The following NTM variants were observed in gnomAD, a reference collection of about 807,000 sequenced individuals.
NTM encodes IgLON family member 2.
Under a neutral mutation model 42.1 loss-of-function variants are expected in NTM, and 13 were observed. The ratio of observed to expected loss-of-function variants is 0.31; its 90% CI spans 0.20 to 0.49. NTM has a LOEUF of 0.49. Among genes scored for constraint, NTM ranks in the 20% least tolerant of loss-of-function variants. The pLI is 0.99. For synonymous variants in NTM, 187 were observed against 179.2 expected (o/e 1.04, Z -0.35); for missense variants, 373 against 452.8 (o/e 0.82, Z 1.60).
chr11:131,607,444 TG>T (rs1383614524), intron 1 of NTM, among the ~76,000 whole-genome samples: 1 of 152,242 alleles, frequency 6.6e-6, no homozygotes, highest in African/African-American at 2.4e-5. Context: ...ATTAAAATTT[TG>T]CATGAACAAG....
chr11:131,852,088 A>C (rs928958663), intron 1 of NTM, among the ~76,000 whole-genome samples: 6 of 152,142 alleles, frequency 3.9e-5, no homozygotes, highest in African/African-American at 7.2e-5. Flanking sequence ...AGAGACTGAC[A>C]GAGCGGGAGT....
At chr11:132,207,250 C>T (rs1259319841) in intron 3 of NTM, among the ~76,000 whole-genome samples, 3 of 152,190 alleles carry the variant, frequency 2.0e-5, no homozygotes, top group African/African-American at 2.4e-5. Context: ...CTGGCAATAC[C>T]GCCTGAGCTC....
chr11:131,627,208 A>G (rs1365275777), intron 1 of NTM, among the ~76,000 whole-genome samples: 2 of 150,510 alleles, frequency 1.3e-5, no homozygotes, highest in African/African-American at 2.4e-5. Flanking sequence ...TGAATAAAGC[A>G]GGCGGCTTTT....
intron 1 of NTM, among the ~76,000 whole-genome samples, chr11:131,435,821 A>C (rs1225864036): frequency 6.6e-6 from 1 of 152,178 alleles, no homozygotes; most frequent in African/African-American, 2.4e-5. Flanking sequence ...TTCCAGCACT[A>C]TGTTGAATAG....
intron 1 of NTM, among the ~76,000 whole-genome samples, chr11:131,719,598 T>C (rs1047579893): frequency 5.3e-5 from 8 of 152,172 alleles, no homozygotes; most frequent in Admixed American, 5.2e-4. Context: ...TGGATGGTCC[T>C]CTGGGTGTTG....
At chr11:131,408,776 C>A (rs779928279) in intron 1 of NTM, among the ~76,000 whole-genome samples, 1 of 152,224 alleles carries the variant, frequency 6.6e-6, no homozygotes, top group Non-Finnish European at 1.5e-5. Flanking sequence ...TCCTGCCCTG[C>A]AGACATCACA....
intron 1 of NTM, among the ~76,000 whole-genome samples, chr11:131,861,409 C>T (rs1334104578): frequency 1.2e-4 from 19 of 152,128 alleles, no homozygotes; most frequent in Non-Finnish European, 2.9e-5. Context: ...CTCTTCCAGG[C>T]CCATCTCTTT....
At chr11:131,628,960 G>T (rs1019549940) in intron 1 of NTM, among the ~76,000 whole-genome samples, 1 of 152,260 alleles carries the variant, frequency 6.6e-6, no homozygotes, top group African/African-American at 2.4e-5. Flanking sequence ...AGAGGCAGGT[G>T]CTTTGCTCAT....
intron 3 of NTM, among the ~76,000 whole-genome samples, chr11:132,207,994 T>C (rs74612198): frequency 0.039 from 5,937 of 152,266 alleles, 180 homozygotes; most frequent in South Asian, 0.065. Flanking sequence ...TTAGTTTATG[T>C]CTCTAATGCT....
intron 2 of NTM, among the ~76,000 whole-genome samples, chr11:131,982,809 A>G (rs1285427424): frequency 6.6e-6 from 1 of 152,176 alleles, no homozygotes; most frequent in East Asian, 1.9e-4. Flanking sequence ...AGCTTTGGAA[A>G]TTTGATAAGA....
At chr11:131,389,282 C>G (rs376782442) in intron 1 of NTM, among the ~76,000 whole-genome samples, 1 of 152,184 alleles carries the variant, frequency 6.6e-6, no homozygotes. Flanking sequence ...AGGGTGGGAC[C>G]TTGATGCTGT....
intron 1 of NTM, among the ~76,000 whole-genome samples, chr11:131,556,341 C>T (rs1223635415): frequency 6.6e-6 from 1 of 152,154 alleles, no homozygotes; most frequent in African/African-American, 2.4e-5. Flanking sequence ...AGAACAATCT[C>T]CTCTATACAG....
chr11:131,797,576 C>T (rs1362551617), intron 1 of NTM, among the ~76,000 whole-genome samples: 2 of 152,126 alleles, frequency 1.3e-5, no homozygotes, highest in Admixed American at 1.3e-4. Flanking sequence ...TGTTCTTTTG[C>T]TGATGAAGGC....
chr11:132,261,112 G>T (rs560641576), intron 4 of NTM, among the ~76,000 whole-genome samples: 1 of 152,320 alleles, frequency 6.6e-6, no homozygotes, highest in Admixed American at 6.5e-5. Context: ...CCATTTAGGG[G>T]TGGCTGGGTG....
At chr11:131,509,431 T>C (rs1368768413) in intron 1 of NTM, among the ~76,000 whole-genome samples, 4 of 152,250 alleles carry the variant, frequency 2.6e-5, no homozygotes. Context: ...TACAGGCAGA[T>C]TCTTCCCTGG....
At chr11:131,713,158 G>A (rs751090095) in intron 1 of NTM, among the ~76,000 whole-genome samples, 5 of 152,094 alleles carry the variant, frequency 3.3e-5, no homozygotes, top group Admixed American at 1.3e-4. Context: ...GCTATACACC[G>A]GGTGTGTAAT....
intron 1 of NTM, among the ~76,000 whole-genome samples, chr11:131,372,115 G>C (rs957032445): frequency 6.6e-6 from 1 of 152,206 alleles, no homozygotes; most frequent in African/African-American, 2.4e-5. Context: ...CTGTCCTCTT[G>C]ACATAGGTTG....
rs2082514754 is a variant in NTM at position 131,751,461 on chromosome 11, G to A, written c.83-160103G>A. ...AAAAATTAGCCGGGCGCGGTGGCGGGCACCTGTAGTCCCAGCTACTCGGGA... is the reference window on the plus strand; with the variant it reads ...AAAAATTAGCCGGGCGCGGTGGCGGACACCTGTAGTCCCAGCTACTCGGGA... On this transcript the variant is annotated intron_variant, in intron 1 of 8. Transcript: ENST00000683400. Among the ~76,000 whole-genome samples the A allele has an allele frequency of 1.3e-5, 2 of 151,912 alleles. 1 individual carries two copies. The highest frequency in any genetic ancestry group is 4.1e-4 in the South Asian group (2 of 4,820).
intron 4 of NTM, among the ~76,000 whole-genome samples, chr11:132,221,927 C>A (rs1476566264): frequency 1.3e-5 from 2 of 152,196 alleles, no homozygotes; most frequent in African/African-American, 4.8e-5. Context: ...TGCTTGATGT[C>A]TAGCCCACTG....
Sources: gnomAD v4.1 joint callset for allele counts (sites outside exome capture counted in the v4.1 genomes callset) on GRCh38, gnomAD v4.1.1 for gene constraint, MANE v1.5 for transcripts, NCBI Gene and HGNC (gene_info 2026-07-23, HGNC 2026-07-21) for gene names.